Variants in PRKN observed in about 807,000 individuals in gnomAD.
PRKN encodes the protein parkin RBR E3 ubiquitin protein ligase.
PRKN carries 56 observed loss-of-function variants against 59.5 expected under a neutral mutation model. The observed-to-expected ratio is 0.94, with a 90% CI of 0.76 to 1.18. The LOEUF (loss-of-function observed/expected upper bound fraction) is 1.18, where lower values mean the gene tolerates loss of function less well. PRKN is among the 50% of genes most tolerant of loss of function. The pLI is 0.00. For missense variants in PRKN, 657 were observed against 596.4 expected (o/e 1.10, Z -1.06); for synonymous variants, 250 against 222.1 (o/e 1.13, Z -1.12).
intron 1 of PRKN, among the ~76,000 whole-genome samples, chr6:162,444,363 T>C (rs182239316): frequency 3.2e-4 from 48 of 152,108 alleles, no homozygotes; most frequent in Non-Finnish European, 5.4e-4. Context: ...ACCACTCAAA[T>C]CCTTTAAGTC....
At chr6:161,364,554 G>C (rs369144748) in intron 10 of PRKN, among the ~76,000 whole-genome samples, 1 of 150,998 alleles carries the variant, frequency 6.6e-6, no homozygotes, top group South Asian at 2.1e-4. Context: ...AGAAGAAACT[G>C]TGAGAAAAGA....
At chr6:162,013,528 C>T (rs1036520519) in intron 5 of PRKN, among the ~76,000 whole-genome samples, 1 of 152,106 alleles carries the variant, frequency 6.6e-6, no homozygotes, top group Admixed American at 6.6e-5. Flanking sequence ...TCCAGATATT[C>T]TCAAAGACGA....
At chr6:162,413,921 C>G (rs1461239004) in intron 2 of PRKN, among the ~76,000 whole-genome samples, 4 of 152,132 alleles carry the variant, frequency 2.6e-5, no homozygotes, top group Non-Finnish European at 5.9e-5. Flanking sequence ...GTGGCTCACG[C>G]CTGTAGTCCC....
intron 2 of PRKN, among the ~76,000 whole-genome samples, chr6:162,354,508 T>C (rs1784761061): frequency 2.6e-5 from 4 of 152,210 alleles, no homozygotes; most frequent in African/African-American, 4.8e-5. Context: ...CTTTTTAAAG[T>C]ATACTTTAAA....
chr6:162,151,377 CAT>C (rs1306535048), intron 4 of PRKN, among the ~76,000 whole-genome samples: 1 of 152,198 alleles, frequency 6.6e-6, no homozygotes, highest in Non-Finnish European at 1.5e-5. Context: ...ACTTTAGAAA[CAT>C]ATGATTTAAA....
In PRKN at chr6:161,371,725, A is replaced by G. The variant is rs1262038129; in HGVS notation, c.1168-11520T>C. Among the ~76,000 whole-genome samples, 1 of 151,878 alleles carries G rather than the reference A, an allele frequency of 6.6e-6. No individual in the cohort carries two copies. The highest frequency in any genetic ancestry group is 2.4e-5 in the African/African-American group (1 of 41,300). ...ACAATCTCGGCTCACTACAACCTCC[A>G]CCTCCTGGGTTCAAGCGATTCTCAT... On this transcript the variant is annotated intron_variant, in intron 10 of 11. Transcript: ENST00000366898. This position sits in a 1 kb window ranked among gnomAD's most constrained non-coding sequence, Gnocchi z 5.5.
At position 161,373,556 on chromosome 6, in the gene PRKN, A is replaced by G. The variant is rs9456666; in HGVS notation, c.1167+13238T>C. Among the ~76,000 whole-genome samples, 45,661 of 151,552 alleles carry G rather than the reference A, an allele frequency of 0.3. 7,107 individuals are homozygous for G. The highest frequency in any genetic ancestry group is 0.34 in the South Asian group (1,650 of 4,798). ...AAACGAGCTATGCCTCTGTGTTTGCAGGGGTGCTGAGTTTAAATGTGCTAT... is the reference window on the plus strand; with the variant it reads ...AAACGAGCTATGCCTCTGTGTTTGCGGGGGTGCTGAGTTTAAATGTGCTAT... On this transcript the variant is annotated intron_variant, in intron 10 of 11. Transcript: ENST00000366898. This position sits in a 1 kb window ranked among gnomAD's most constrained non-coding sequence, Gnocchi z 4.8.
chr6:161,414,324 G>A lies in PRKN; in HGVS notation c.1084-27447C>T, dbSNP rs954946895. Among the ~76,000 whole-genome samples the A allele has an allele frequency of 3.3e-5, 5 of 152,100 alleles. No individual in the cohort carries two copies. Among genetic ancestry groups the A allele is most frequent in the Non-Finnish European group, 5.9e-5 (4 of 68,038 alleles). On this transcript the variant is annotated intron_variant, in intron 9 of 11. Transcript: ENST00000366898. The surrounding 1 kb of genome is among the most constrained non-coding windows in gnomAD (Gnocchi z 5.3). The stretch of plus-strand genomic sequence containing the variant: ...GGCAGCGGCCAGTCTCTGTGTTCTC[G>A]GGCGCTCTGTGTCAGGTCCTGGTAT...
chr6:162,679,110 A>AT (rs371460378), intron 1 of PRKN, among the ~76,000 whole-genome samples: 2,335 of 141,750 alleles, frequency 0.016, 48 homozygotes, highest in African/African-American at 0.048. Context: ...TTATTTATTT[A>AT]TGAATGAATG....
chr6:162,439,663 C>T (rs901317778), intron 2 of PRKN, among the ~76,000 whole-genome samples: 1 of 146,900 alleles, frequency 6.8e-6, no homozygotes, highest in African/African-American at 2.6e-5. Flanking sequence ...ACCCCTGAGA[C>T]AGTGAGACTA....
chr6:161,609,184 G>A (rs1782396208), intron 7 of PRKN, among the ~76,000 whole-genome samples: 1 of 152,146 alleles, frequency 6.6e-6, no homozygotes, highest in African/African-American at 2.4e-5. Context: ...AGCTAGCTAG[G>A]AGATTGCATT....
chr6:161,793,692 G>T (rs530371150), intron 6 of PRKN, among the ~76,000 whole-genome samples: 36 of 152,202 alleles, frequency 2.4e-4, no homozygotes, highest in Non-Finnish European at 4.0e-4. Context: ...CCTATCTCTG[G>T]GGTTGGAGGA....
intron 1 of PRKN, among the ~76,000 whole-genome samples, chr6:162,723,191 G>C (rs1779001101): frequency 6.6e-6 from 1 of 152,152 alleles, no homozygotes; most frequent in South Asian, 2.1e-4. Context: ...CGTTTCCCTG[G>C]CACCTAGAGC....
rs1028635588 is a variant in PRKN, at chr6:161,471,494, G to A, written c.1083+77360C>T. Among the ~76,000 whole-genome samples, 3 of 152,084 alleles carry A rather than the reference G, an allele frequency of 2.0e-5. No homozygotes were observed. The highest frequency in any genetic ancestry group is 4.4e-5 in the Non-Finnish European group (3 of 67,998). On this transcript the variant is annotated intron_variant, in intron 9 of 11. Transcript: ENST00000366898. This position sits in a 1 kb window ranked among gnomAD's most constrained non-coding sequence, Gnocchi z 4.5. ...CAACAAATCTTCAAGACATGAAAAA[G>A]AAAGAAATGGAGAAATATGGATTGG...
chr6:162,727,342 C>G, intron 1 of PRKN: 1 of 312,348 alleles, frequency 3.2e-6, no homozygotes, highest in Non-Finnish European at 5.7e-6. Context: ...GGGGAGAAGG[C>G]TTCGGGACCC....
intron 1 of PRKN, among the ~76,000 whole-genome samples, chr6:162,705,389 C>T (rs1266044742): frequency 6.6e-6 from 1 of 152,192 alleles, no homozygotes; most frequent in Admixed American, 6.5e-5. Flanking sequence ...GGCCTGAAAT[C>T]CTACTCTTTC....
At chr6:162,623,573 A>G (rs1254607052) in intron 1 of PRKN, among the ~76,000 whole-genome samples, 1 of 152,214 alleles carries the variant, frequency 6.6e-6, no homozygotes, top group African/African-American at 2.4e-5. Context: ...AGTTCACCAA[A>G]GCTAGAGACT....
At chr6:162,279,457 C>G (rs908006734) in intron 2 of PRKN, among the ~76,000 whole-genome samples, 3 of 150,790 alleles carry the variant, frequency 2.0e-5, no homozygotes, top group African/African-American at 7.3e-5. Context: ...GAGACAGAAA[C>G]AAAGAGAGAA....
intron 1 of PRKN, among the ~76,000 whole-genome samples, chr6:162,669,291 T>C (rs1276242080): frequency 1.3e-5 from 2 of 152,018 alleles, no homozygotes; most frequent in African/African-American, 4.8e-5. Context: ...AGCAACAAAT[T>C]AGAAGTAAAA....
Sources: gnomAD v4.1 joint callset for allele counts (sites outside exome capture counted in the v4.1 genomes callset) on GRCh38, gnomAD v4.1.1 for gene constraint, Gnocchi (gnomAD v3.1) non-coding constraint, MANE v1.5 for transcripts, NCBI Gene and HGNC (gene_info 2026-07-23, HGNC 2026-07-21) for gene names.